Variants in RTTN observed in about 807,000 individuals in gnomAD.
The protein encoded by RTTN is rotatin.
Under a neutral mutation model 269.2 loss-of-function variants are expected in RTTN, and 182 were observed. That is an observed-to-expected ratio of 0.68 (90% confidence interval 0.60 to 0.76). The LOEUF is 0.76. Among genes scored for constraint, RTTN ranks in the 30% least tolerant of loss-of-function variants. The pLI, the probability that RTTN is intolerant of heterozygous loss-of-function variation, is 0.00. For synonymous variants in RTTN, 1,006 were observed against 963.5 expected (o/e 1.04, Z -0.82); for missense variants, 2,545 against 2,608.6 (o/e 0.98, Z 0.53).
chr18:70,104,419 T>C (rs2059264614), intron 28 of RTTN, among the ~76,000 whole-genome samples: 1 of 152,212 alleles, frequency 6.6e-6, no homozygotes, highest in African/African-American at 2.4e-5. Flanking sequence ...TTAGCTTCTT[T>C]GTGATGGGTT....
intron 32 of RTTN, among the ~76,000 whole-genome samples, chr18:70,085,637 G>C (rs1002636489): frequency 2.0e-5 from 3 of 152,122 alleles, no homozygotes; most frequent in Non-Finnish European, 4.4e-5. Context: ...TCCCCAATAA[G>C]TGTACTTTTG....
At chr18:70,105,767 A>G (rs2059305104) in intron 28 of RTTN, among the ~76,000 whole-genome samples, 1 of 152,188 alleles carries the variant, frequency 6.6e-6, no homozygotes, top group Non-Finnish European at 1.5e-5. Context: ...AAGACCAGAT[A>G]AAATATATAT....
At chr18:70,040,287 T>C (rs758019263) in intron 40 of RTTN, among the ~76,000 whole-genome samples, 1 of 114,762 alleles carries the variant, frequency 8.7e-6, no homozygotes, top group African/African-American at 2.6e-5. Context: ...GAAAAAGACA[T>C]TCCATGCCAA....
chr18:70,137,101 C>T (rs761380143), intron 21 of RTTN, among the ~76,000 whole-genome samples: 7 of 151,968 alleles, frequency 4.6e-5, no homozygotes, highest in African/African-American at 7.3e-5. Context: ...AAATTGAGAA[C>T]GAGAAGAAAA....
intron 14 of RTTN, among the ~76,000 whole-genome samples, chr18:70,158,599 C>G (rs1048200951): frequency 1.3e-5 from 2 of 152,150 alleles, no homozygotes; most frequent in African/African-American, 4.8e-5. Flanking sequence ...CATATCAATA[C>G]TGACCTTGAA....
chr18:70,078,883 T>C (rs1448737663), intron 32 of RTTN, among the ~76,000 whole-genome samples: 1 of 152,070 alleles, frequency 6.6e-6, no homozygotes, highest in African/African-American at 2.4e-5. Context: ...CTCAGCCATG[T>C]CTTACTCATC....
At chr18:70,104,237 T>C (rs1226378406) in intron 28 of RTTN, among the ~76,000 whole-genome samples, 2 of 152,224 alleles carry the variant, frequency 1.3e-5, no homozygotes, top group South Asian at 2.1e-4. Flanking sequence ...TTTCATTCAT[T>C]TGATCTTCAA....
chr18:70,107,306 T>C (rs1305228014), intron 28 of RTTN, among the ~76,000 whole-genome samples: 13 of 152,220 alleles, frequency 8.5e-5, no homozygotes, highest in Non-Finnish European at 1.5e-5. Context: ...CAATCTTGCA[T>C]AGTCAGCTGC....
At chr18:70,101,975 C>A (rs529756868) in intron 28 of RTTN, among the ~76,000 whole-genome samples, 7 of 152,116 alleles carry the variant, frequency 4.6e-5, no homozygotes, top group Admixed American at 6.5e-5. Flanking sequence ...TTTTCATTTG[C>A]TGAGGAGTGC....
chr18:70,067,784 C>T (rs957650790), intron 34 of RTTN, among the ~76,000 whole-genome samples: 1 of 152,112 alleles, frequency 6.6e-6, no homozygotes, highest in African/African-American at 2.4e-5. Context: ...TTTCAACGAT[C>T]GGTGTGGGAA....
chr18:70,018,198 G>A (rs1054637201), intron 45 of RTTN, among the ~76,000 whole-genome samples: 1 of 152,046 alleles, frequency 6.6e-6, no homozygotes, highest in East Asian at 1.9e-4. Flanking sequence ...ATCATTACAA[G>A]TAAGAATTTC....
At chr18:70,128,604 A>C in intron 23 of RTTN, 58 bp from the exon 24 acceptor site, 2 of 1,450,480 alleles carry the variant, frequency 1.4e-6, no homozygotes, top group Admixed American at 1.8e-5. Context: ...GCTACTCAAA[A>C]AGATGAGCCA....
intron 32 of RTTN, among the ~76,000 whole-genome samples, chr18:70,083,185 G>A (rs952130269): frequency 1.3e-5 from 2 of 152,074 alleles, no homozygotes; most frequent in Admixed American, 6.6e-5. Context: ...AGATGTCAAG[G>A]GAAGACAGGC....
chr18:70,189,937 C>T (rs1349648193), intron 9 of RTTN, among the ~76,000 whole-genome samples: 1 of 152,138 alleles, frequency 6.6e-6, no homozygotes, highest in African/African-American at 2.4e-5. Context: ...TTTCCTAGTA[C>T]ATCTGAACAA....
rs1451510877 is a variant in RTTN at position 70,099,229 on chromosome 18, A to G, written c.3904-6425T>C. Among the ~76,000 whole-genome samples, 5 of 152,240 alleles carry G rather than the reference A, an allele frequency of 3.3e-5. No individual in the cohort carries two copies. The South Asian group carries it at 1.0e-3, about 32-fold the overall frequency. ...CCACCAACAGTGTAAAAATGTTCCT[A>G]TTTCTCCACATCCTCTCCAGCACCT... On this transcript the variant is annotated intron_variant, in intron 28 of 48. Transcript: ENST00000640769.
At chr18:70,118,694 C>T (rs1484119234) in intron 26 of RTTN, among the ~76,000 whole-genome samples, 1 of 152,098 alleles carries the variant, frequency 6.6e-6, no homozygotes, top group Non-Finnish European at 1.5e-5. Context: ...TTACCAAATA[C>T]TGGCAAACTG....
intron 34 of RTTN, among the ~76,000 whole-genome samples, chr18:70,071,959 T>A (rs1188535676): frequency 6.6e-6 from 1 of 152,174 alleles, no homozygotes; most frequent in Non-Finnish European, 1.5e-5. Context: ...TTAATAAGAT[T>A]TACATCCACT....
chr18:70,190,277 T>C (rs2061640137), intron 9 of RTTN, among the ~76,000 whole-genome samples: 1 of 149,052 alleles, frequency 6.7e-6, no homozygotes, highest in Admixed American at 6.6e-5. Context: ...TAGATAAAAA[T>C]TCTAAAAAAA....
rs531307857 is a variant in RTTN, at chr18:70,023,522, C to G, written c.5950+1200G>C. Among the ~76,000 whole-genome samples, 6 of 152,298 alleles carry G rather than the reference C, an allele frequency of 3.9e-5. No homozygotes were observed. In the East Asian group the frequency reaches 1.2e-3, roughly 29 times the overall value. ...CAAGTCTGCTTCTTTTAAATCTTCC[C>G]CATTTTAGTAAATGGCACTACTGTG... On this transcript the variant is annotated intron_variant, in intron 44 of 48. Transcript: ENST00000640769.
Sources: allele counts gnomAD v4.1 joint callset (sites outside exome capture counted in the v4.1 genomes callset), GRCh38; gene constraint gnomAD v4.1.1; transcripts MANE v1.5; gene names NCBI Gene and HGNC (gene_info 2026-07-23, HGNC 2026-07-21).